SLC51A: variants seen among roughly 807,000 people sequenced by gnomAD.
SLC51A encodes the protein organic solute transporter subunit alpha.
A neutral mutation model predicts 34.8 loss-of-function variants in SLC51A; 22 were observed. The ratio of observed to expected loss-of-function variants is 0.63; its 90% CI spans 0.45 to 0.90. The LOEUF (loss-of-function observed/expected upper bound fraction) is 0.90. Among genes scored for constraint, SLC51A ranks in the 40% least tolerant of loss-of-function variants. SLC51A has a pLI of 0.00. For missense variants in SLC51A, 371 were observed against 414.8 expected (o/e 0.89, Z 0.92); for synonymous variants, 181 against 176.3 (o/e 1.03, Z -0.21).
At chr3:196,219,101 C>T (rs1223558599) in intron 2 of SLC51A, among the ~76,000 whole-genome samples, 7 of 152,148 alleles carry the variant, frequency 4.6e-5, no homozygotes, top group Non-Finnish European at 7.3e-5. Flanking sequence ...TGGCGGGCAC[C>T]TGTAATCCCA....
intron 2 of SLC51A, among the ~76,000 whole-genome samples, chr3:196,218,902 CAAGAT>C (rs1413617754): frequency 6.6e-6 from 1 of 151,148 alleles, no homozygotes; most frequent in East Asian, 1.9e-4. Flanking sequence ...TGTTGGCCAA[CAAGAT>C]TCTATTACTG....
intron 2 of SLC51A, among the ~76,000 whole-genome samples, chr3:196,223,140 G>A (rs931518655): frequency 2.0e-5 from 3 of 151,768 alleles, no homozygotes; most frequent in Non-Finnish European, 2.9e-5. Flanking sequence ...GAATACCTGC[G>A]TTTAAATCTC....
chr3:196,222,938 A>G (rs1013307773), intron 2 of SLC51A, among the ~76,000 whole-genome samples: 2 of 151,802 alleles, frequency 1.3e-5, no homozygotes, highest in African/African-American at 4.8e-5. Context: ...TTTCCTAATT[A>G]GAGTACCAAA....
chr3:196,229,539 G>A (rs991276514), intron 6 of SLC51A, among the ~76,000 whole-genome samples: 9 of 151,556 alleles, frequency 5.9e-5, no homozygotes, highest in Non-Finnish European at 1.0e-4. Flanking sequence ...CACCACCCCC[G>A]GCTAATTTTG....
At chr3:196,231,006 T>C (rs1301975059) in intron 7 of SLC51A, among the ~76,000 whole-genome samples, 1 of 152,196 alleles carries the variant, frequency 6.6e-6, no homozygotes, top group East Asian at 1.9e-4. Context: ...CTTCCTTTCC[T>C]TTTCTACCTA....
intron 2 of SLC51A, among the ~76,000 whole-genome samples, chr3:196,221,961 G>A (rs963148423): frequency 8.7e-5 from 13 of 149,922 alleles, no homozygotes; most frequent in Non-Finnish European, 1.3e-4. Context: ...CTCGTGATCC[G>A]CCCGCCTCGG....
intron 2 of SLC51A, among the ~76,000 whole-genome samples, chr3:196,218,823 G>A (rs1297973704): frequency 6.6e-6 from 1 of 150,706 alleles, no homozygotes; most frequent in Non-Finnish European, 1.5e-5. Flanking sequence ...TTTGCAAGAA[G>A]CACTTTTTCC....
chr3:196,223,851 TA>T (rs765788825), intron 2 of SLC51A: 4 of 422,984 alleles, frequency 9.5e-6, no homozygotes, highest in East Asian at 7.6e-5. Context: ...TCCTTTTTTT[TA>T]ATGCCTTTTT....
chr3:196,228,328 CT>C lies in SLC51A; in HGVS notation c.521+56del, dbSNP rs1394873770. On this transcript the variant is annotated intron_variant, in intron 5 of 8. Coordinates refer to ENST00000296327, the MANE Select transcript of SLC51A (RefSeq NM_152672.6). This position sits in a 1 kb window ranked among gnomAD's most constrained non-coding sequence, Gnocchi z 4.9. ...GAGCCGGGGAGCCTCTCCTGGACCCCTGGTCCCCTTCAAGGCTCTGGGAATT... is the reference window on the plus strand; with the variant it reads ...GAGCCGGGGAGCCTCTCCTGGACCCCGGTCCCCTTCAAGGCTCTGGGAATT... 10 of 1,563,534 alleles carry C rather than the reference CT, an allele frequency of 6.4e-6. No homozygotes were observed. Among genetic ancestry groups the C allele is most frequent in the Admixed American group, 5.5e-5 (3 of 54,556 alleles).
At chr3:196,229,862 AG>A in intron 6 of SLC51A, 52 bp from the exon 7 acceptor site, 1 of 1,540,866 alleles carries the variant, frequency 6.5e-7, no homozygotes, top group Non-Finnish European at 8.7e-7. Context: ...TGAAAGAGAG[AG>A]AGAGAGAGAG....
chr3:196,223,570 G>C (rs1723818115), intron 2 of SLC51A, among the ~76,000 whole-genome samples: 1 of 151,730 alleles, frequency 6.6e-6, no homozygotes, highest in Non-Finnish European at 1.5e-5. Context: ...GAGCACACGG[G>C]GCTGGGGGTA....
intron 8 of SLC51A, chr3:196,232,802 A>G (rs1166592851): frequency 6.9e-6 from 4 of 581,486 alleles, no homozygotes; most frequent in African/African-American, 5.6e-5. Context: ...GGGAATGGTT[A>G]AAAAACAGAA....
In SLC51A at chr3:196,223,996, T is replaced by C. The variant is rs530052060; in HGVS notation, c.134-2969T>C. The C allele has an allele frequency of 2.5e-4, 78 of 317,480 alleles. 1 individual carries two copies. The highest frequency in any genetic ancestry group is 1.6e-3 in the East Asian group (15 of 9,252). The allele number at this position is 317,480 out of a possible 1,614,324, so 19.7% of individuals were successfully genotyped here. A position where few individuals can be genotyped will look rare whatever the true frequency, so the allele number is the denominator to read the frequency against. ...GCCTCAGCCTCTCCAGTAGGTGGGA[T>C]TACAGGTACTCGCCACCATGCCTGG... On this transcript the variant is annotated intron_variant, in intron 2 of 8. Transcript: ENST00000296327.
chr3:196,228,739 G>GA lies in SLC51A; in HGVS notation c.522-69dup. The GA allele has an allele frequency of 7.6e-7, 1 of 1,315,194 alleles. No homozygotes were observed. The highest frequency in any genetic ancestry group is 1.1e-6 in the Non-Finnish European group (1 of 908,960). The allele number at this position is 1,315,194 out of a possible 1,614,324, so 81.5% of individuals were successfully genotyped here. Reference sequence around the variant, plus strand: ...CCGAGCCTCAGCCCAGGAGCCCTGTGAGGAGCCGGGGCGTCTTCCTGGGGC... The same window carrying GA: ...CCGAGCCTCAGCCCAGGAGCCCTGTGAAGGAGCCGGGGCGTCTTCCTGGGGC... On this transcript the variant is annotated intron_variant, in intron 5 of 8. Transcript: ENST00000296327. The surrounding 1 kb of genome is among the most constrained non-coding windows in gnomAD (Gnocchi z 4.9).
chr3:196,228,206 C>G lies in SLC51A; in HGVS notation c.454C>G (p.Pro152Ala). Residue 152 changes from proline to alanine, a missense_variant, in exon 5 of 9, where the codon CCG becomes GCG. Transcript: ENST00000296327. The surrounding 1 kb of genome is among the most constrained non-coding windows in gnomAD (Gnocchi z 4.9). ...AGTGCTGAGGACGCTGAGGGACACCCCGATGATGGTCCACACAGGCCCCTG... is the reference window on the plus strand; with the variant it reads ...AGTGCTGAGGACGCTGAGGGACACCGCGATGATGGTCCACACAGGCCCCTG... ...EAVLRTLRDTPMMVHTGPCCC... is the reference protein window; with the variant it reads ...EAVLRTLRDTAMMVHTGPCCC... 6.2e-7 allele frequency: 1 copy of G among 1,614,016 alleles called. No homozygotes were observed. The highest frequency in any genetic ancestry group is 8.5e-7 in the Non-Finnish European group (1 of 1,180,028).
In SLC51A at chr3:196,216,634, T is replaced by G; in HGVS notation, c.-79T>G. ...CCACCCCGGCCCAGGCAAGCCACCCTGCCCCCGGCCCCCACCTGCCCGCCC... is the reference window on the plus strand; with the variant it reads ...CCACCCCGGCCCAGGCAAGCCACCCGGCCCCCGGCCCCCACCTGCCCGCCC... On this transcript the variant is annotated 5_prime_UTR_variant, in exon 1 of 9. Coordinates refer to ENST00000296327, the MANE Select transcript of SLC51A (RefSeq NM_152672.6). This position sits in a 1 kb window ranked among gnomAD's most constrained non-coding sequence, Gnocchi z 4.5. The G allele has an allele frequency of 8.6e-6, 8 of 933,100 alleles. No individual in the cohort carries two copies. The highest frequency in any genetic ancestry group is 1.1e-5 in the Non-Finnish European group (7 of 620,222). The allele number at this position is 933,100 out of a possible 1,614,324, so 57.8% of individuals were successfully genotyped here. A position where few individuals can be genotyped will look rare whatever the true frequency, so the allele number is the denominator to read the frequency against.
intron 7 of SLC51A, 108 bp downstream of exon 7, chr3:196,230,169 A>G (rs1239206728): frequency 1.2e-5 from 13 of 1,051,458 alleles, no homozygotes; most frequent in Non-Finnish European, 1.7e-5. Context: ...TCTTTTTCAT[A>G]AGCCTCACGT....
chr3:196,224,731 G>T lies in SLC51A; in HGVS notation c.134-2234G>T, dbSNP rs1320611302. Reference sequence around the variant, plus strand: ...GAGGAGATGGGAGGGGAGGAGAGGGGAGGAGAGGGGAGAGGGGAGGGAATG... The same window carrying T: ...GAGGAGATGGGAGGGGAGGAGAGGGTAGGAGAGGGGAGAGGGGAGGGAATG... On this transcript the variant is annotated intron_variant, in intron 2 of 8. Coordinates refer to ENST00000296327, the MANE Select transcript of SLC51A (RefSeq NM_152672.6). 3.2e-4 allele frequency among the ~76,000 whole-genome samples: 36 copies of T among 112,054 alleles called. No homozygotes were observed. In the East Asian group the frequency reaches 0.011, roughly 36 times the overall value. 73.5% of individuals were successfully genotyped at this position (112,054 alleles called of 152,430 possible). A position where few individuals can be genotyped will look rare whatever the true frequency, so the allele number is the denominator to read the frequency against.
chr3:196,227,460 T>A (rs1723926193), intron 3 of SLC51A: 1 of 608,014 alleles, frequency 1.6e-6, no homozygotes, highest in Non-Finnish European at 3.0e-6. Context: ...CACACTCAGC[T>A]CCACCCTTAC....
Sources: allele counts gnomAD v4.1 joint callset (sites outside exome capture counted in the v4.1 genomes callset), GRCh38; gene constraint gnomAD v4.1.1; non-coding constraint Gnocchi (gnomAD v3.1); transcripts MANE v1.5; gene names NCBI Gene and HGNC (gene_info 2026-07-23, HGNC 2026-07-21).